CHMP3: variants seen among roughly 807,000 people sequenced by gnomAD.
The protein encoded by CHMP3 is 25.1 protein.
CHMP3 carries 8 observed loss-of-function variants against 27.4 expected under a neutral mutation model. The ratio of observed to expected loss-of-function variants is 0.29; its 90% CI spans 0.17 to 0.53. The LOEUF is 0.53. CHMP3 is among the 20% of genes least tolerant of loss of function. The pLI, the probability that CHMP3 is intolerant of heterozygous loss-of-function variation, is 0.96. For synonymous variants in CHMP3, 86 were observed against 85.5 expected (o/e 1.01, Z -0.03); for missense variants, 208 against 271.5 (o/e 0.77, Z 1.64).
chr2:86,534,310 T>C (rs1236643905), intron 2 of CHMP3, among the ~76,000 whole-genome samples: 3 of 142,542 alleles, frequency 2.1e-5, no homozygotes, highest in East Asian at 2.3e-4. Context: ...GCAATTCTCC[T>C]ACCTCAGCCT....
At chr2:86,538,628 A>G (rs112227076) in intron 2 of CHMP3, among the ~76,000 whole-genome samples, 7 of 152,318 alleles carry the variant, frequency 4.6e-5, no homozygotes, top group African/African-American at 1.7e-4. Flanking sequence ...TCACATGTGT[A>G]TAACTACCTT....
At chr2:86,527,149 A>G (rs1015136515) in intron 3 of CHMP3, 3 of 151,908 alleles carry the variant, frequency 2.0e-5, no homozygotes, top group Admixed American at 1.3e-4. Flanking sequence ...GCGGCTCACA[A>G]CTATAATCCC....
At chr2:86,543,503 T>C (rs1676440700) in intron 1 of CHMP3, among the ~76,000 whole-genome samples, 1 of 152,210 alleles carries the variant, frequency 6.6e-6, no homozygotes, top group African/African-American at 2.4e-5. Context: ...ACACAAAAAA[T>C]ACTTCCACAA....
intron 1 of CHMP3, among the ~76,000 whole-genome samples, chr2:86,559,125 A>C (rs1573312635): frequency 6.6e-6 from 1 of 152,192 alleles, no homozygotes; most frequent in Non-Finnish European, 1.5e-5. Flanking sequence ...ATCAGCCCCC[A>C]CCCAATGTAA....
At chr2:86,509,508 G>T (rs1675016585) in intron 4 of CHMP3, among the ~76,000 whole-genome samples, 1 of 152,176 alleles carries the variant, frequency 6.6e-6, no homozygotes, top group Non-Finnish European at 1.5e-5. Flanking sequence ...TCCCTGAGAG[G>T]AAGGGAGGTG....
chr2:86,509,703 C>A (rs1675026298), intron 4 of CHMP3, among the ~76,000 whole-genome samples: 1 of 152,184 alleles, frequency 6.6e-6, no homozygotes, highest in Non-Finnish European at 1.5e-5. Flanking sequence ...ACCAAGGTGA[C>A]CTTAGGGAAA....
intron 1 of CHMP3, among the ~76,000 whole-genome samples, chr2:86,546,271 A>G (rs1390980653): frequency 7.1e-6 from 1 of 140,838 alleles, no homozygotes; most frequent in Non-Finnish European, 1.5e-5. Flanking sequence ...GGCCGGAGGC[A>G]GGAGAATCAT....
intron 1 of CHMP3, among the ~76,000 whole-genome samples, chr2:86,547,204 T>C (rs1257512994): frequency 2.0e-5 from 3 of 152,204 alleles, no homozygotes; most frequent in African/African-American, 7.2e-5. Context: ...CCTTCTCTTA[T>C]TCACCAAGCC....
chr2:86,551,003 G>T (rs1021428441), intron 1 of CHMP3, among the ~76,000 whole-genome samples: 1 of 152,194 alleles, frequency 6.6e-6, no homozygotes. Flanking sequence ...ACCGAGAAAT[G>T]ACTACATATG....
At chr2:86,551,539 G>A (rs545823320) in intron 1 of CHMP3, among the ~76,000 whole-genome samples, 1 of 152,216 alleles carries the variant, frequency 6.6e-6, no homozygotes, top group East Asian at 1.9e-4. Context: ...TTACAGGTGT[G>A]AGCCACCATG....
chr2:86,533,858 C>T lies in CHMP3; in HGVS notation c.107-4461G>A, dbSNP rs893462090. Among the ~76,000 whole-genome samples the T allele has an allele frequency of 4.1e-4, 63 of 152,096 alleles. 2 individuals carry two copies. Among genetic ancestry groups the T allele is most frequent in the Admixed American group, 3.9e-3 (59 of 15,282 alleles). On this transcript the variant is annotated intron_variant, in intron 2 of 5. Transcript: ENST00000263856. ...TCCTCTGAGTGTTGCTTTTGCTGCA[C>T]CTTCTAACTTTAGGTATGTTCTGAT...
intron 3 of CHMP3, among the ~76,000 whole-genome samples, chr2:86,519,004 C>A (rs761203251): frequency 3.3e-5 from 5 of 152,094 alleles, no homozygotes; most frequent in Non-Finnish European, 5.9e-5. Context: ...AGTATATAAT[C>A]TTTATTGACT....
intron 3 of CHMP3, among the ~76,000 whole-genome samples, chr2:86,512,993 A>G (rs1675162837): frequency 6.6e-6 from 1 of 152,240 alleles, no homozygotes; most frequent in South Asian, 2.1e-4. Flanking sequence ...TGATCCAGCA[A>G]GTGTGCTCCT....
intron 1 of CHMP3, among the ~76,000 whole-genome samples, chr2:86,553,620 G>A (rs1034447206): frequency 5.9e-5 from 9 of 152,108 alleles, no homozygotes; most frequent in South Asian, 2.1e-4. Flanking sequence ...GTGAGCCACC[G>A]CGCCCGACCC....
At chr2:86,506,332 C>A (rs1674887803) in intron 5 of CHMP3, among the ~76,000 whole-genome samples, 1 of 151,954 alleles carries the variant, frequency 6.6e-6, no homozygotes, top group African/African-American at 2.4e-5. Context: ...AAAATTAAAC[C>A]CCACCATTTT....
chr2:86,559,992 C>T (rs1332199700), intron 1 of CHMP3, among the ~76,000 whole-genome samples: 3 of 152,142 alleles, frequency 2.0e-5, no homozygotes, highest in Non-Finnish European at 4.4e-5. Context: ...GAGGGCCGGG[C>T]GCGGTGGCTT....
intron 1 of CHMP3, chr2:86,561,918 G>A (rs1053378234): frequency 2.6e-5 from 4 of 152,140 alleles, no homozygotes; most frequent in Non-Finnish European, 5.9e-5. Flanking sequence ...GCAATGCCAA[G>A]GCCAAACACT....
chr2:86,562,922 T>A (rs1677441458), intron 1 of CHMP3: 1 of 181,824 alleles, frequency 5.5e-6, no homozygotes, highest in Non-Finnish European at 1.1e-5. Context: ...CAGGAGAAGG[T>A]TCTCCGGGTG....
At chr2:86,543,384 A>G (rs1186312567) in intron 1 of CHMP3, among the ~76,000 whole-genome samples, 3 of 152,278 alleles carry the variant, frequency 2.0e-5, no homozygotes, top group African/African-American at 7.2e-5. Context: ...TCTGACATAT[A>G]GAGCTGGAAA....
Sources: gnomAD v4.1 joint callset for allele counts (sites outside exome capture counted in the v4.1 genomes callset) on GRCh38, gnomAD v4.1.1 for gene constraint, MANE v1.5 for transcripts, NCBI Gene and HGNC (gene_info 2026-07-23, HGNC 2026-07-21) for gene names.